MALRD1: variants seen among roughly 807,000 people sequenced by gnomAD.
The protein encoded by MALRD1 is MAM and LDL-receptor class A domain-containing protein 1.
MALRD1 carries 247 observed loss-of-function variants against 242.1 expected under a neutral mutation model. The ratio of observed to expected loss-of-function variants is 1.02; its 90% CI spans 0.92 to 1.13. The LOEUF is 1.13. Ranked by LOEUF, MALRD1 falls within the 50% of genes most tolerant of loss-of-function variation. The probability of loss-of-function intolerance (pLI) is 0.00; values close to 1 mark genes in which losing one functional copy is unlikely to be tolerated. For missense variants in MALRD1, 2,989 were observed against 2,533.1 expected, an observed-to-expected ratio of 1.18 and a Z score of -3.86; for synonymous variants, 995 against 866.6, an observed-to-expected ratio of 1.15 and a Z score of -2.60.
At chr10:19,377,639 AT>A (rs35032147) in intron 26 of MALRD1, among the ~76,000 whole-genome samples, 194 of 150,606 alleles carry the variant, frequency 1.3e-3, no homozygotes, top group African/African-American at 1.2e-3. Flanking sequence ...AGTCATAATT[AT>A]TTTTTTTTCA....
intron 36 of MALRD1, among the ~76,000 whole-genome samples, chr10:19,662,652 G>A (rs1365770530): frequency 6.6e-6 from 1 of 152,096 alleles, no homozygotes; most frequent in African/African-American, 2.4e-5. Flanking sequence ...GAAAAGTCAG[G>A]TTTTTAAATT....
intron 36 of MALRD1, among the ~76,000 whole-genome samples, chr10:19,648,957 T>C (rs952755264): frequency 2.0e-5 from 3 of 152,192 alleles, no homozygotes; most frequent in African/African-American, 7.2e-5. Flanking sequence ...GTTCTTATCA[T>C]TGAGCCCCCA....
chr10:19,140,526 GGTGTGTGTGTGTGTGTATGTGTGTGT>G (rs1489792196), intron 10 of MALRD1, among the ~76,000 whole-genome samples: 1 of 111,502 alleles, frequency 9.0e-6, no homozygotes, highest in Non-Finnish European at 2.0e-5. Context: ...AAACAAGTGG[GGTGTGTGTGTGTGTGTATGTGTGTGT>G]GTGTGTGTGT....
At chr10:19,322,368 A>T (rs1842942941) in intron 21 of MALRD1, among the ~76,000 whole-genome samples, 1 of 152,138 alleles carries the variant, frequency 6.6e-6, no homozygotes, top group African/African-American at 2.4e-5. Context: ...ATTAACTCAT[A>T]ACTCTGTGGT....
intron 4 of MALRD1, among the ~76,000 whole-genome samples, chr10:19,095,906 C>G (rs2131314928): frequency 6.6e-6 from 1 of 152,272 alleles, no homozygotes; most frequent in Middle Eastern, 3.4e-3. Flanking sequence ...GAAGGATGAT[C>G]TTGCTGAAGT....
At position 19,257,721 on chromosome 10, in the gene MALRD1, G is replaced by A; in HGVS notation, c.3029G>A (p.Gly1010Glu). The A allele has an allele frequency of 6.5e-7, 1 of 1,541,868 alleles. No homozygotes were observed. The highest frequency in any genetic ancestry group is 8.8e-7 in the Non-Finnish European group (1 of 1,141,918). ...VEASVGDGFT[G>E]DIAIDDLSFM... ...GCTTCAGTGGGAGATGGCTTCACTG[G>A]AGATATTGCGATTGATGATCTGTCA... The change falls in exon 19 of 40, where the codon GGA becomes GAA. Residue 1010 changes from glycine (G) to glutamate (E), a missense_variant. By Grantham distance (98) the Gly-to-Glu change is moderately conservative (BLOSUM62 -2). Coordinates refer to ENST00000454679, the MANE Select transcript of MALRD1 (RefSeq NM_001142308.3).
intron 18 of MALRD1, among the ~76,000 whole-genome samples, chr10:19,234,632 TA>T (rs11370975): frequency 0.077 from 11,640 of 151,000 alleles, 545 homozygotes; most frequent in African/African-American, 0.13. Flanking sequence ...AGCTTATCTT[TA>T]AAAAAAAAGC....
chr10:19,063,402 C>T (rs1224896517), intron 1 of MALRD1, among the ~76,000 whole-genome samples: 6 of 152,104 alleles, frequency 3.9e-5, no homozygotes, highest in Admixed American at 3.9e-4. Context: ...TTACCCAGAC[C>T]ATACTTTCCA....
intron 5 of MALRD1, among the ~76,000 whole-genome samples, chr10:19,114,714 T>A (rs935956311): frequency 1.3e-5 from 2 of 152,192 alleles, no homozygotes; most frequent in African/African-American, 2.4e-5. Flanking sequence ...GGCTAGTATA[T>A]TAGTCTATTA....
intron 2 of MALRD1, among the ~76,000 whole-genome samples, chr10:19,070,769 A>G (rs981858146): frequency 6.5e-5 from 9 of 139,244 alleles, no homozygotes; most frequent in African/African-American, 2.4e-4. Flanking sequence ...CATTATATAT[A>G]TTTTTTCAAA....
Position 19,622,824 on chromosome 10 carries a change from A to G in MALRD1, c.6137+6901A>G, listed in dbSNP as rs1839466730. ...AATAGAAAATTTGACATTTCAGACTAGCAGAGTAGAAAGTTAAAAAATGTA... is the reference window on the plus strand; with the variant it reads ...AATAGAAAATTTGACATTTCAGACTGGCAGAGTAGAAAGTTAAAAAATGTA... On this transcript the variant is annotated intron_variant, in intron 36 of 39. Transcript: ENST00000454679. Among the ~76,000 whole-genome samples, 4 of 152,090 alleles carry G rather than the reference A, an allele frequency of 2.6e-5. No individual in the cohort carries two copies. In the South Asian group the frequency reaches 8.3e-4, roughly 31 times the overall value.
intron 32 of MALRD1, among the ~76,000 whole-genome samples, chr10:19,551,122 G>A (rs766811446): frequency 6.6e-6 from 1 of 152,052 alleles, no homozygotes; most frequent in Non-Finnish European, 1.5e-5. Context: ...CTTTTGAAAA[G>A]TGTCTGTTCA....
At position 19,297,141 on chromosome 10, in the gene MALRD1, G is replaced by T. The variant is rs930417743; in HGVS notation, c.3419+13960G>T. On this transcript the variant is annotated intron_variant, in intron 21 of 39. Coordinates refer to ENST00000454679, the MANE Select transcript of MALRD1 (RefSeq NM_001142308.3). ...AGTGTATCTTTTAGTTTATTATATT[G>T]TACTGTATTTCATGTGTTTTTGAGA... Among the ~76,000 whole-genome samples the T allele has an allele frequency of 8.0e-5, 12 of 150,102 alleles. No individual in the cohort carries two copies. The South Asian group carries it at 1.9e-3, about 24-fold the overall frequency.
chr10:19,351,738 A>G (rs1844385250), intron 25 of MALRD1, among the ~76,000 whole-genome samples: 1 of 152,162 alleles, frequency 6.6e-6, no homozygotes, highest in Non-Finnish European at 1.5e-5. Flanking sequence ...TTCAGAAGTC[A>G]CAGAAAGAAA....
intron 8 of MALRD1, among the ~76,000 whole-genome samples, chr10:19,130,479 A>T (rs1452010178): frequency 1.3e-5 from 2 of 152,152 alleles, no homozygotes; most frequent in Non-Finnish European, 2.9e-5. Context: ...ACCTATGGTA[A>T]TGCTTTTCAG....
chr10:19,242,156 A>G (rs113773481), intron 18 of MALRD1, among the ~76,000 whole-genome samples: 2,512 of 152,264 alleles, frequency 0.016, 90 homozygotes, highest in East Asian at 0.16. Flanking sequence ...AGGTCTCCCA[A>G]TCGTGATGGA....
chr10:19,635,561 G>A (rs1172487591), intron 36 of MALRD1, among the ~76,000 whole-genome samples: 5 of 151,766 alleles, frequency 3.3e-5, no homozygotes, highest in Admixed American at 6.6e-5. Flanking sequence ...AATGCAACAC[G>A]GAAAGAAAAA....
At chr10:19,557,004 C>T (rs1357619231) in intron 32 of MALRD1, among the ~76,000 whole-genome samples, 1 of 152,032 alleles carries the variant, frequency 6.6e-6, no homozygotes, top group Non-Finnish European at 1.5e-5. Flanking sequence ...TGTTTAGTGT[C>T]ATCCCATTTT....
At chr10:19,443,824 A>T (rs1368756554) in intron 28 of MALRD1, among the ~76,000 whole-genome samples, 1 of 152,182 alleles carries the variant, frequency 6.6e-6, no homozygotes, top group Non-Finnish European at 1.5e-5. Flanking sequence ...AGTTCTGTAC[A>T]TGTCTATTAC....
Sources: allele counts gnomAD v4.1 joint callset (sites outside exome capture counted in the v4.1 genomes callset), GRCh38; gene constraint gnomAD v4.1.1; transcripts MANE v1.5; gene names NCBI Gene and HGNC (gene_info 2026-07-23, HGNC 2026-07-21).